The following SASH1 variants were observed in gnomAD, a reference collection of about 807,000 sequenced individuals.
SASH1 encodes the protein SAM and SH3 domain containing 1, also known as SAM and SH3 domain-containing protein 1.
In SASH1, 44 loss-of-function variants were observed where a neutral mutation model predicts 125.2. The observed-to-expected ratio is 0.35, with a 90% CI of 0.28 to 0.45. SASH1 has a LOEUF of 0.45. Ranked by LOEUF, SASH1 falls within the 20% of genes least tolerant of loss-of-function variation. The pLI, the probability that SASH1 is intolerant of heterozygous loss-of-function variation, is 1.00. For synonymous variants in SASH1, 639 were observed against 649.1 expected, an observed-to-expected ratio of 0.98 and a Z score of 0.24; for missense variants, 1,426 against 1,614.5, an observed-to-expected ratio of 0.88 and a Z score of 2.00.
chr6:148,500,159 C>T (rs979245123), intron 8 of SASH1, among the ~76,000 whole-genome samples: 4 of 151,680 alleles, frequency 2.6e-5, no homozygotes, highest in Non-Finnish European at 5.9e-5. Flanking sequence ...ATCACGTTCT[C>T]CATTTGTGCT....
chr6:148,481,681 T>C (rs1406197064), intron 7 of SASH1, among the ~76,000 whole-genome samples: 2 of 152,132 alleles, frequency 1.3e-5, no homozygotes, highest in African/African-American at 2.4e-5. Context: ...AGAACACACA[T>C]ATTTATCCAT....
chr6:148,433,129 G>C (rs939537956), intron 2 of SASH1, among the ~76,000 whole-genome samples: 1 of 152,042 alleles, frequency 6.6e-6, no homozygotes, highest in Non-Finnish European at 1.5e-5. Flanking sequence ...AAATGTTTGT[G>C]GAACTATTTT....
chr6:148,446,314 T>C (rs1212875712), intron 4 of SASH1, among the ~76,000 whole-genome samples: 3 of 151,996 alleles, frequency 2.0e-5, no homozygotes, highest in Non-Finnish European at 4.4e-5. Context: ...TTCACCGTGT[T>C]AGCCAGGATG....
intron 4 of SASH1, among the ~76,000 whole-genome samples, chr6:148,455,953 C>A (rs1001798178): frequency 4.0e-5 from 6 of 151,802 alleles, no homozygotes; most frequent in Non-Finnish European, 7.4e-5. Context: ...CCCTGCTGCC[C>A]CCAGGGCAGC....
chr6:148,342,657 C>G (rs920170185), upstream of SASH1: 1 of 152,216 alleles, frequency 6.6e-6, no homozygotes, highest in Non-Finnish European at 1.5e-5. Context: ...CCACCCCTGC[C>G]GGGTCCTGCC....
chr6:148,215,901 A>T, the SASH1 span, among the ~76,000 whole-genome samples: 56 of 152,228 alleles, frequency 3.7e-4, 1 homozygote, highest in African/African-American at 1.3e-3. Context: ...CCTGTCGCCC[A>T]GGCTGCCGTG....
At chr6:148,202,857 G>C in the SASH1 span, among the ~76,000 whole-genome samples, 1 of 152,100 alleles carries the variant, frequency 6.6e-6, no homozygotes, top group African/African-American at 2.4e-5. Flanking sequence ...AGGAGGCTGA[G>C]GCACAAGAAT....
the SASH1 span, among the ~76,000 whole-genome samples, chr6:148,198,934 CT>C: frequency 6.6e-6 from 1 of 152,176 alleles, no homozygotes. Flanking sequence ...CCTTACCTAC[CT>C]TTTGAGTACT....
chr6:148,523,240 G>C (rs1013167697), intron 10 of SASH1, among the ~76,000 whole-genome samples: 1 of 152,198 alleles, frequency 6.6e-6, no homozygotes, highest in African/African-American at 2.4e-5. Flanking sequence ...AGGCATCTGG[G>C]TGCCATACCA....
chr6:148,250,421 G>A, the SASH1 span, among the ~76,000 whole-genome samples: 1 of 152,036 alleles, frequency 6.6e-6, no homozygotes, highest in Non-Finnish European at 1.5e-5. Flanking sequence ...ATTCAGCTAA[G>A]ACTTCTTAAG....
At chr6:148,306,995 A>T (rs1001270935) in intron 1 of SASH1, among the ~76,000 whole-genome samples, 1 of 151,882 alleles carries the variant, frequency 6.6e-6, no homozygotes, top group South Asian at 2.1e-4. Context: ...TGCTTGTCAC[A>T]TCCTCAGCAC....
chr6:148,356,569 A>G (rs1452312652), intron 1 of SASH1, among the ~76,000 whole-genome samples: 1 of 134,044 alleles, frequency 7.5e-6, no homozygotes, highest in East Asian at 2.5e-4. Context: ...TCCTGGGTTC[A>G]AGCGATTCTC....
Position 148,310,378 on chromosome 6 carries a change from G to A in SASH1, n.74+38001G>A, listed in dbSNP as rs150546387. ...AAAAGCCTCAGTGCAAATCTCTGCT[G>A]TATCTATTTAACAACTGGTGCTGGA... is the stretch of plus-strand genomic sequence containing the variant. On this transcript the variant is annotated intron_variant and non_coding_transcript_variant, in intron 1 of 3. Coordinates refer to the SASH1 transcript ENST00000367469. Among the ~76,000 whole-genome samples, 876 of 149,604 alleles carry A rather than the reference G, an allele frequency of 5.9e-3. 11 individuals are homozygous for A. The highest frequency in any genetic ancestry group is 0.021 in the African/African-American group (841 of 40,470).
chr6:148,203,832 T>C, the SASH1 span, among the ~76,000 whole-genome samples: 2 of 152,186 alleles, frequency 1.3e-5, no homozygotes, highest in Non-Finnish European at 2.9e-5. Flanking sequence ...ATTAGGTTCT[T>C]TATTAATATC....
At chr6:148,216,840 C>T in the SASH1 span, among the ~76,000 whole-genome samples, 1 of 152,124 alleles carries the variant, frequency 6.6e-6, no homozygotes, top group East Asian at 1.9e-4. Flanking sequence ...AAGCAATTCT[C>T]ATGCCTCAGG....
chr6:148,502,079 A>G (rs1012589192), intron 8 of SASH1, among the ~76,000 whole-genome samples: 1 of 152,148 alleles, frequency 6.6e-6, no homozygotes, highest in Non-Finnish European at 1.5e-5. Context: ...ACTTTTTCCA[A>G]ATAAAACTAT....
intron 2 of SASH1, among the ~76,000 whole-genome samples, chr6:148,421,149 G>GGAAGGAAGGAAGGAAGAAAGA (rs1562396374): frequency 1.5e-5 from 1 of 67,314 alleles, no homozygotes; most frequent in Non-Finnish European, 3.4e-5. Flanking sequence ...AAGGAAGGAA[G>GGAAGGAAGGAAGGAAGAAAGA]AAAGAAAGAA....
chr6:148,246,791 A>G, the SASH1 span, among the ~76,000 whole-genome samples: 1 of 152,376 alleles, frequency 6.6e-6, no homozygotes, highest in East Asian at 1.9e-4. Flanking sequence ...AAACAAAATG[A>G]TTTGTAAATT....
chr6:148,467,513 A>G (rs942426718), intron 4 of SASH1, among the ~76,000 whole-genome samples: 3 of 152,178 alleles, frequency 2.0e-5, no homozygotes, highest in Non-Finnish European at 2.9e-5. Flanking sequence ...GCCTTCACAA[A>G]CTGGCAGCCA....
Sources: gnomAD v4.1 joint callset for allele counts (sites outside exome capture counted in the v4.1 genomes callset) on GRCh38, gnomAD v4.1.1 for gene constraint, MANE v1.5 for transcripts, NCBI Gene and HGNC (gene_info 2026-07-23, HGNC 2026-07-21) for gene names.